The following PRKG1 variants were observed in gnomAD, a reference collection of about 807,000 sequenced individuals.
PRKG1 encodes protein kinase cGMP-dependent 1, also known as cGMP-dependent protein kinase 1.
In PRKG1, 35 loss-of-function variants were observed where a neutral mutation model predicts 88.1. The observed-to-expected ratio is 0.40, with a 90% confidence interval of 0.30 to 0.53. The LOEUF is 0.53. Among genes scored for constraint, PRKG1 ranks in the 20% least tolerant of loss-of-function variants. The pLI is 0.59. For missense variants in PRKG1, 540 were observed against 839.8 expected, an observed-to-expected ratio of 0.64 and a Z score of 4.41; for synonymous variants, 303 against 292.5, an observed-to-expected ratio of 1.04 and a Z score of -0.37.
intron 2 of PRKG1, among the ~76,000 whole-genome samples, chr10:51,302,067 T>C (rs1372545801): frequency 6.6e-6 from 1 of 152,216 alleles, no homozygotes; most frequent in African/African-American, 2.4e-5. Context: ...ACCACAGTGT[T>C]AGCTATGTCC....
intron 5 of PRKG1, among the ~76,000 whole-genome samples, chr10:51,940,985 C>T (rs1842894957): frequency 6.6e-6 from 1 of 151,860 alleles, no homozygotes; most frequent in African/African-American, 2.4e-5. Flanking sequence ...TATCAACTTA[C>T]CATTGTAGTA....
chr10:51,392,704 G>A (rs1391513721), intron 2 of PRKG1, among the ~76,000 whole-genome samples: 2 of 151,498 alleles, frequency 1.3e-5, no homozygotes, highest in South Asian at 2.1e-4. Flanking sequence ...CCCAGTAGGG[G>A]CGGCCGGGCA....
intron 3 of PRKG1, among the ~76,000 whole-genome samples, chr10:51,665,098 A>T (rs1840390657): frequency 6.6e-6 from 1 of 152,144 alleles, no homozygotes; most frequent in Non-Finnish European, 1.5e-5. Context: ...TTATTAACTG[A>T]AAAAAAGAAT....
intron 3 of PRKG1, among the ~76,000 whole-genome samples, chr10:51,707,014 G>A (rs1756044904): frequency 6.6e-6 from 1 of 151,972 alleles, no homozygotes; most frequent in Non-Finnish European, 1.5e-5. Context: ...TTTTATTATT[G>A]AAAGGCTTGT....
intron 3 of PRKG1, among the ~76,000 whole-genome samples, chr10:51,515,036 C>T (rs1841536928): frequency 6.6e-6 from 1 of 152,114 alleles, no homozygotes. Context: ...AAAGTTGTCT[C>T]TAGATATTGG....
intron 2 of PRKG1, among the ~76,000 whole-genome samples, chr10:51,432,612 G>A (rs1219272733): frequency 3.9e-5 from 6 of 152,110 alleles, no homozygotes; most frequent in African/African-American, 1.4e-4. Flanking sequence ...GGCAATAGTC[G>A]CTGGAAAATG....
At position 52,193,270 on chromosome 10, in the gene PRKG1, C is replaced by T. The variant is rs139553836; in HGVS notation, c.1076+31307C>T. ...GAACTATTCTAAATGTCGGGCCGGG[C>T]GCAGTGGTTCATGCCTGTAATCCCA... On this transcript the variant is annotated intron_variant, in intron 9 of 17. Transcript: ENST00000373980. 3.3e-3 allele frequency among the ~76,000 whole-genome samples: 503 copies of T among 152,108 alleles called. 4 individuals carry two copies. Among genetic ancestry groups the T allele is most frequent in the Middle Eastern group, 0.01 (3 of 294 alleles).
At chr10:51,084,459 G>A (rs1036352481) in intron 1 of PRKG1, among the ~76,000 whole-genome samples, 1 of 152,130 alleles carries the variant, frequency 6.6e-6, no homozygotes, top group Admixed American at 6.6e-5. Context: ...ACTTTCACCT[G>A]CATCAAAAAT....
At chr10:51,246,305 T>C (rs1428780519) in intron 2 of PRKG1, among the ~76,000 whole-genome samples, 1 of 152,018 alleles carries the variant, frequency 6.6e-6, no homozygotes, top group East Asian at 1.9e-4. Context: ...AAACTGAAGC[T>C]GAAAAGAAAT....
At chr10:51,914,800 G>A (rs184903372) in intron 5 of PRKG1, among the ~76,000 whole-genome samples, 130 of 152,248 alleles carry the variant, frequency 8.5e-4, no homozygotes, top group African/African-American at 3.0e-3. Flanking sequence ...ACTTATGTAC[G>A]TTATTATCCA....
chr10:51,982,603 A>G (rs920816515), intron 5 of PRKG1, among the ~76,000 whole-genome samples: 1 of 152,046 alleles, frequency 6.6e-6, no homozygotes, highest in Non-Finnish European at 1.5e-5. Flanking sequence ...CAACTCCTGG[A>G]TTGTGTTCTG....
At chr10:51,375,817 G>A (rs922700444) in intron 2 of PRKG1, among the ~76,000 whole-genome samples, 4 of 152,090 alleles carry the variant, frequency 2.6e-5, no homozygotes, top group Non-Finnish European at 4.4e-5. Flanking sequence ...CCTGAAGGAC[G>A]TGAAGGAGAA....
intron 8 of PRKG1, among the ~76,000 whole-genome samples, chr10:52,141,792 A>G (rs1295789602): frequency 1.3e-5 from 2 of 152,138 alleles, no homozygotes; most frequent in Non-Finnish European, 2.9e-5. Flanking sequence ...AAGTCATAGA[A>G]GAGATTTAAG....
At chr10:52,180,423 C>T (rs553373899) in intron 9 of PRKG1, among the ~76,000 whole-genome samples, 2 of 152,096 alleles carry the variant, frequency 1.3e-5, no homozygotes, top group Non-Finnish European at 2.9e-5. Context: ...TTCATTTGGA[C>T]GTGTAGTGTT....
chr10:51,775,946 A>G (rs1838424115), intron 3 of PRKG1, among the ~76,000 whole-genome samples: 1 of 152,030 alleles, frequency 6.6e-6, no homozygotes, highest in Non-Finnish European at 1.5e-5. Flanking sequence ...TTATTTTCTC[A>G]CGTTCTGTTT....
chr10:51,709,443 A>C (rs947075082), intron 3 of PRKG1, among the ~76,000 whole-genome samples: 1 of 152,270 alleles, frequency 6.6e-6, no homozygotes, highest in Non-Finnish European at 1.5e-5. Context: ...GCAGAGCAGT[A>C]CAATGAGAAA....
intron 9 of PRKG1, among the ~76,000 whole-genome samples, chr10:52,235,451 A>G (rs1441840586): frequency 2.7e-4 from 39 of 147,108 alleles, no homozygotes; most frequent in African/African-American, 9.3e-4. Flanking sequence ...CATAGGCTCA[A>G]AATAAAAGGA....
chr10:51,767,339 C>G (rs113011221), intron 3 of PRKG1, among the ~76,000 whole-genome samples: 8 of 151,840 alleles, frequency 5.3e-5, no homozygotes, highest in African/African-American at 1.9e-4. Context: ...TTTACTCTCT[C>G]TCTCTCTCTC....
chr10:51,941,944 T>C (rs897829679), intron 5 of PRKG1, among the ~76,000 whole-genome samples: 14 of 152,070 alleles, frequency 9.2e-5, no homozygotes, highest in Non-Finnish European at 1.6e-4. Flanking sequence ...CAGCGTGATT[T>C]ATAGTCCTTT....
Sources: gnomAD v4.1 joint callset for allele counts (sites outside exome capture counted in the v4.1 genomes callset) on GRCh38, gnomAD v4.1.1 for gene constraint, MANE v1.5 for transcripts, NCBI Gene and HGNC (gene_info 2026-07-23, HGNC 2026-07-21) for gene names.